Variants in SUSD4 observed in about 807,000 individuals in gnomAD.
SUSD4 encodes sushi domain containing 4.
In SUSD4, 41 loss-of-function variants were observed where a neutral mutation model predicts 50.5. The observed-to-expected ratio is 0.81, with a 90% confidence interval of 0.63 to 1.05. The LOEUF is 1.05. Ranked by LOEUF, SUSD4 falls within the 50% of genes least tolerant of loss-of-function variation. The probability of loss-of-function intolerance (pLI) is 0.00; values close to 1 mark genes in which losing one functional copy is unlikely to be tolerated. For synonymous variants in SUSD4, 257 were observed against 257.3 expected (o/e 1.00, Z 0.01); for missense variants, 580 against 634.7 (o/e 0.91, Z 0.93).
At chr1:223,313,154 G>T (rs182415010) in intron 2 of SUSD4, among the ~76,000 whole-genome samples, 1 of 152,314 alleles carries the variant, frequency 6.6e-6, no homozygotes, top group Admixed American at 6.5e-5. Flanking sequence ...GACTCAGGAT[G>T]GGGGCTGGCC....
At position 223,223,378 on chromosome 1, in the gene SUSD4, G is replaced by A. The variant is rs372946957; in HGVS notation, c.1315C>T (p.Leu439=). ...GGAGGTGAATACAGACTTTGGAGCA[G>A]CTCAGAAGAGCCTGAGACGCTGTCA... ...TCDSVSGSSE[L]LQSLYSPPRC... The change falls in exon 8 of 9, where the codon CTG becomes TTG. Residue 439 remains leucine (L), a synonymous_variant. Coordinates refer to ENST00000366878, the MANE Select transcript of SUSD4 (RefSeq NM_017982.4). The A allele has an allele frequency of 1.2e-6, 2 of 1,613,688 alleles. No individual in the cohort carries two copies. Among genetic ancestry groups the A allele is most frequent in the Non-Finnish European group, 1.7e-6 (2 of 1,179,876 alleles).
intron 5 of SUSD4, among the ~76,000 whole-genome samples, chr1:223,242,006 A>C (rs1018631228): frequency 2.0e-5 from 3 of 152,152 alleles, no homozygotes; most frequent in Non-Finnish European, 4.4e-5. Context: ...CACTGGCATG[A>C]TCATGGCTCA....
At chr1:223,263,879 T>TA in intron 5 of SUSD4, 3 of 985,460 alleles carry the variant, frequency 3.0e-6, no homozygotes, top group Non-Finnish European at 3.6e-6. Flanking sequence ...TGAGGTTTCT[T>TA]CACTTTTTTC....
chr1:223,247,164 A>G (rs1660992640), intron 5 of SUSD4, among the ~76,000 whole-genome samples: 1 of 152,208 alleles, frequency 6.6e-6, no homozygotes, highest in African/African-American at 2.4e-5. Flanking sequence ...TACCCCACAC[A>G]GCTCGTGGGA....
At chr1:223,328,272 G>A (rs1243982249) in intron 2 of SUSD4, among the ~76,000 whole-genome samples, 1 of 151,882 alleles carries the variant, frequency 6.6e-6, no homozygotes, top group Non-Finnish European at 1.5e-5. Context: ...CTTCCTATTC[G>A]GTCCTTACAG....
At chr1:223,301,600 C>G (rs1285715811) in intron 2 of SUSD4, among the ~76,000 whole-genome samples, 1 of 152,202 alleles carries the variant, frequency 6.6e-6, no homozygotes, top group East Asian at 1.9e-4. Flanking sequence ...TAGCTTCCCA[C>G]AGGCTGAGAT....
intron 2 of SUSD4, among the ~76,000 whole-genome samples, chr1:223,358,004 A>G (rs1668759938): frequency 6.6e-6 from 1 of 152,254 alleles, no homozygotes; most frequent in Non-Finnish European, 1.5e-5. Flanking sequence ...ATGAGCTTTC[A>G]AAGCACAGCA....
intron 2 of SUSD4, among the ~76,000 whole-genome samples, chr1:223,306,835 C>T (rs1665562141): frequency 6.6e-6 from 1 of 151,822 alleles, no homozygotes; most frequent in African/African-American, 2.4e-5. Context: ...TTTTCTAAAG[C>T]ACATCCTTAT....
At chr1:223,258,262 G>C (rs1430660578) in intron 5 of SUSD4, among the ~76,000 whole-genome samples, 1 of 152,154 alleles carries the variant, frequency 6.6e-6, no homozygotes, top group Non-Finnish European at 1.5e-5. Flanking sequence ...TTGAGAGCTG[G>C]GGAGCCCTCC....
At position 223,231,699 on chromosome 1, in the gene SUSD4, G is replaced by A. The variant is rs1020383175; in HGVS notation, c.725-2311C>T. ...TGGTCCTGGGAGATCCAGGGATGTG[G>A]CCGTAAGGGCTCTTCTCTCCTTGGA... On this transcript the variant is annotated intron_variant, in intron 5 of 8. Transcript: ENST00000366878. This position sits in a 1 kb window ranked among gnomAD's most constrained non-coding sequence, Gnocchi z 4.2. 2.0e-5 allele frequency among the ~76,000 whole-genome samples: 3 copies of A among 152,214 alleles called. No homozygotes were observed. The highest frequency in any genetic ancestry group is 6.5e-5 in the Admixed American group (1 of 15,290).
chr1:223,348,343 TA>T (rs747055864), intron 2 of SUSD4, among the ~76,000 whole-genome samples: 1 of 152,236 alleles, frequency 6.6e-6, no homozygotes, highest in Non-Finnish European at 1.5e-5. Context: ...TAATTTTCTA[TA>T]ATAACTCAGG....
chr1:223,231,887 A>G lies in SUSD4; in HGVS notation c.725-2499T>C, dbSNP rs1029149705. ...AGGAGGCCGGCATCTTCTCTGGGACAGGAGCCCCTTTCTGTGGTCAAGGGT... is the reference window on the plus strand; with the variant it reads ...AGGAGGCCGGCATCTTCTCTGGGACGGGAGCCCCTTTCTGTGGTCAAGGGT... On this transcript the variant is annotated intron_variant, in intron 5 of 8. Coordinates refer to ENST00000366878, the MANE Select transcript of SUSD4 (RefSeq NM_017982.4). The surrounding 1 kb of genome is among the most constrained non-coding windows in gnomAD (Gnocchi z 4.2). Among the ~76,000 whole-genome samples, 5 of 152,220 alleles carry G rather than the reference A, an allele frequency of 3.3e-5. No homozygotes were observed. Among genetic ancestry groups the G allele is most frequent in the African/African-American group, 7.2e-5 (3 of 41,458 alleles).
intron 2 of SUSD4, among the ~76,000 whole-genome samples, chr1:223,312,299 TG>T (rs1249150858): frequency 1.3e-5 from 2 of 152,176 alleles, no homozygotes; most frequent in African/African-American, 4.8e-5. Flanking sequence ...GTCTCATTAG[TG>T]GGCAAATAGG....
chr1:223,246,142 C>A (rs1434316007), intron 5 of SUSD4, among the ~76,000 whole-genome samples: 1 of 152,052 alleles, frequency 6.6e-6, no homozygotes, highest in Non-Finnish European at 1.5e-5. Flanking sequence ...GGGACCCAGT[C>A]CAAATGCTGA....
Position 223,363,457 on chromosome 1 carries a change from G to A in SUSD4, c.-32C>T, listed in dbSNP as rs778850805. On this transcript the variant is annotated 5_prime_UTR_variant, in exon 2 of 9. Coordinates refer to ENST00000366878, the MANE Select transcript of SUSD4 (RefSeq NM_017982.4). The stretch of plus-strand genomic sequence containing the variant: ...TCCACAGAGGGCATCCAGCTTGCAA[G>A]AGTCTGCAACCAGAAGCGGAACACC... The A allele has an allele frequency of 1.3e-5, 20 of 1,506,412 alleles. No individual in the cohort carries two copies. Among genetic ancestry groups the A allele is most frequent in the Admixed American group, 2.0e-5 (1 of 49,102 alleles). The allele number at this position is 1,506,412 out of a possible 1,614,324, so 93.3% of individuals were successfully genotyped here. A position where few individuals can be genotyped will look rare whatever the true frequency, so the allele number is the denominator to read the frequency against.
chr1:223,310,735 A>G (rs778219195), intron 2 of SUSD4, among the ~76,000 whole-genome samples: 2 of 152,250 alleles, frequency 1.3e-5, no homozygotes, highest in African/African-American at 4.8e-5. Flanking sequence ...CAAGAAAAAA[A>G]TGCTATTTAA....
At chr1:223,290,677 T>C (rs538001914) in intron 3 of SUSD4, among the ~76,000 whole-genome samples, 2 of 151,826 alleles carry the variant, frequency 1.3e-5, no homozygotes, top group Non-Finnish European at 2.9e-5. Flanking sequence ...TGAATTCCAT[T>C]AAATAAGTAG....
chr1:223,344,949 C>A (rs1020852718), intron 2 of SUSD4, among the ~76,000 whole-genome samples: 1 of 152,198 alleles, frequency 6.6e-6, no homozygotes, highest in Admixed American at 6.5e-5. Flanking sequence ...TCTCTGGCCT[C>A]TCTTCACTTT....
Position 223,227,125 on chromosome 1 carries a change from G to C in SUSD4, c.1061+469C>G, listed in dbSNP as rs928773159. On this transcript the variant is annotated intron_variant, in intron 7 of 8. Transcript: ENST00000366878. This position sits in a 1 kb window ranked among gnomAD's most constrained non-coding sequence, Gnocchi z 4.5. ...CCTTTCCTGATTGCTCCTGGAATCA[G>C]AAAAGTCTTTTCTCCTTCCTGAGGC... 1.3e-5 allele frequency among the ~76,000 whole-genome samples: 2 copies of C among 152,218 alleles called. No homozygotes were observed. The highest frequency in any genetic ancestry group is 4.8e-5 in the African/African-American group (2 of 41,458).
Sources: allele counts gnomAD v4.1 joint callset (sites outside exome capture counted in the v4.1 genomes callset), GRCh38; gene constraint gnomAD v4.1.1; non-coding constraint Gnocchi (gnomAD v3.1); transcripts MANE v1.5; gene names NCBI Gene and HGNC (gene_info 2026-07-23, HGNC 2026-07-21).